Variants in RPS6KC1 observed in about 807,000 individuals in gnomAD.
RPS6KC1 encodes the protein inactive ribosomal protein S6 kinase delta-1.
A neutral mutation model predicts 103.8 loss-of-function variants in RPS6KC1; 54 were observed. The ratio of observed to expected loss-of-function variants is 0.52; its 90% CI spans 0.42 to 0.65. RPS6KC1 has a LOEUF of 0.65. RPS6KC1 is among the 30% of genes least tolerant of loss of function. The pLI is 0.00. For synonymous variants in RPS6KC1, 439 were observed against 438.7 expected (o/e 1.00, Z -0.01); for missense variants, 1,151 against 1,253.8 (o/e 0.92, Z 1.24).
At chr1:213,642,937 G>T in the RPS6KC1 span, among the ~76,000 whole-genome samples, 7 of 151,732 alleles carry the variant, frequency 4.6e-5, no homozygotes, top group South Asian at 1.5e-3. Flanking sequence ...ACCATTTATT[G>T]TACATTCTTT....
the RPS6KC1 span, among the ~76,000 whole-genome samples, chr1:213,742,779 G>T: frequency 6.6e-6 from 1 of 152,252 alleles, no homozygotes; most frequent in Admixed American, 6.5e-5. Flanking sequence ...TGCATGCACA[G>T]AAAGTACCAG....
chr1:213,355,716 T>A, the RPS6KC1 span, among the ~76,000 whole-genome samples: 1 of 152,174 alleles, frequency 6.6e-6, no homozygotes, highest in Admixed American at 6.5e-5. Context: ...AATTGGATGA[T>A]CTTCTATGTA....
At chr1:213,611,661 C>A in the RPS6KC1 span, among the ~76,000 whole-genome samples, 1 of 152,086 alleles carries the variant, frequency 6.6e-6, no homozygotes, top group African/African-American at 2.4e-5. Context: ...TGCTAATGTG[C>A]GTTTTGCATC....
chr1:213,123,677 A>G (rs753551300), intron 5 of RPS6KC1, among the ~76,000 whole-genome samples: 16 of 152,288 alleles, frequency 1.1e-4, no homozygotes, highest in Admixed American at 2.6e-4. Flanking sequence ...TATGTCTTCT[A>G]CCTTAGGGTA....
intron 4 of RPS6KC1, among the ~76,000 whole-genome samples, chr1:213,105,198 G>A (rs1448895978): frequency 6.8e-6 from 1 of 147,356 alleles, no homozygotes; most frequent in Non-Finnish European, 1.5e-5. Context: ...TCCTAGATAT[G>A]TAATGCTTTC....
chr1:213,851,947 C>T, the RPS6KC1 span, among the ~76,000 whole-genome samples: 1 of 152,246 alleles, frequency 6.6e-6, no homozygotes, highest in Non-Finnish European at 1.5e-5. Flanking sequence ...TGACCCTAAG[C>T]ATTTCTCTTG....
chr1:213,688,533 C>T, the RPS6KC1 span, among the ~76,000 whole-genome samples: 2 of 152,108 alleles, frequency 1.3e-5, no homozygotes, highest in African/African-American at 4.8e-5. Context: ...ACCAAGTTGC[C>T]TCTGTTTCCA....
chr1:213,747,984 A>G, the RPS6KC1 span, among the ~76,000 whole-genome samples: 1 of 152,206 alleles, frequency 6.6e-6, no homozygotes, highest in African/African-American at 2.4e-5. Context: ...TAGGTGATGA[A>G]ATGCTAATTA....
At chr1:213,076,696 C>T (rs1394709105) in intron 2 of RPS6KC1, among the ~76,000 whole-genome samples, 1 of 151,248 alleles carries the variant, frequency 6.6e-6, no homozygotes, top group Non-Finnish European at 1.5e-5. Context: ...TTTTACATGT[C>T]GTCTAATCTA....
the RPS6KC1 span, among the ~76,000 whole-genome samples, chr1:213,517,790 C>T: frequency 3.1e-4 from 47 of 152,156 alleles, no homozygotes; most frequent in Middle Eastern, 3.2e-3. Flanking sequence ...TCCTTGTTAA[C>T]TTTCTGTCTC....
chr1:213,463,724 C>T, the RPS6KC1 span, among the ~76,000 whole-genome samples: 157 of 152,192 alleles, frequency 1.0e-3, no homozygotes, highest in African/African-American at 3.5e-3. Flanking sequence ...TTTTGGGGCT[C>T]GTTTTCAGGT....
chr1:213,694,947 A>G, the RPS6KC1 span, among the ~76,000 whole-genome samples: 1 of 152,192 alleles, frequency 6.6e-6, no homozygotes, highest in East Asian at 1.9e-4. Context: ...AGTGGTGCCC[A>G]GTGTGAGAGC....
chr1:213,303,214 C>G, the RPS6KC1 span, among the ~76,000 whole-genome samples: 2 of 152,282 alleles, frequency 1.3e-5, no homozygotes, highest in African/African-American at 4.8e-5. Flanking sequence ...AAAGGGATCT[C>G]CAAGTCAGTT....
the RPS6KC1 span, among the ~76,000 whole-genome samples, chr1:213,651,052 A>G: frequency 1.3e-5 from 2 of 151,640 alleles, no homozygotes; most frequent in South Asian, 4.2e-4. Context: ...CCTCCTAGGG[A>G]GTGTTGTTTG....
At chr1:213,634,209 C>A in the RPS6KC1 span, among the ~76,000 whole-genome samples, 240 of 152,294 alleles carry the variant, frequency 1.6e-3, 1 homozygote, top group African/African-American at 5.7e-3. Context: ...GACTTGAACT[C>A]AGCTCTGCAT....
chr1:213,699,368 C>A, the RPS6KC1 span, among the ~76,000 whole-genome samples: 5 of 152,142 alleles, frequency 3.3e-5, no homozygotes, highest in African/African-American at 9.7e-5. Flanking sequence ...CCAGTTCCAT[C>A]CATTTTGTTC....
chr1:213,299,769 TACAAC>T, the RPS6KC1 span, among the ~76,000 whole-genome samples: 4 of 152,164 alleles, frequency 2.6e-5, no homozygotes, highest in African/African-American at 9.7e-5. Flanking sequence ...GTTTCATACT[TACAAC>T]ACAGCTCAAT....
the RPS6KC1 span, among the ~76,000 whole-genome samples, chr1:213,512,356 G>A: frequency 1.3e-5 from 2 of 152,288 alleles, no homozygotes; most frequent in African/African-American, 4.8e-5. Context: ...TCCACACGTG[G>A]AGCCAGAGAA....
chr1:213,128,408 A>G (rs2085230312), intron 5 of RPS6KC1, among the ~76,000 whole-genome samples: 1 of 152,234 alleles, frequency 6.6e-6, no homozygotes, highest in Non-Finnish European at 1.5e-5. Context: ...ATTGGTATTT[A>G]ATAAATATTC....
Sources: gnomAD v4.1 joint callset for allele counts (sites outside exome capture counted in the v4.1 genomes callset) on GRCh38, gnomAD v4.1.1 for gene constraint, MANE v1.5 for transcripts, NCBI Gene and HGNC (gene_info 2026-07-23, HGNC 2026-07-21) for gene names.